The following SDK1 variants were observed in gnomAD, a reference collection of about 807,000 sequenced individuals.
SDK1 encodes the protein protein sidekick-1.
In SDK1, 157 loss-of-function variants were observed where a neutral mutation model predicts 245.5. The observed-to-expected ratio is 0.64, with a 90% CI of 0.56 to 0.73. SDK1 has a LOEUF of 0.73. SDK1 is among the 30% of genes least tolerant of loss of function. The probability of loss-of-function intolerance (pLI) is 0.00; values close to 1 mark genes in which losing one functional copy is unlikely to be tolerated. For missense variants in SDK1, 3,583 were observed against 3,002.3 expected, an observed-to-expected ratio of 1.19 and a Z score of -4.52; for synonymous variants, 1,647 against 1,278.5, an observed-to-expected ratio of 1.29 and a Z score of -6.15.
chr7:3,494,023 C>G (rs905820276), intron 1 of SDK1, among the ~76,000 whole-genome samples: 1 of 152,126 alleles, frequency 6.6e-6, no homozygotes, highest in East Asian at 1.9e-4. Flanking sequence ...CTGTATTATA[C>G]CTAGGTGAGT....
chr7:3,695,973 G>A (rs1458198727), intron 4 of SDK1, among the ~76,000 whole-genome samples: 1 of 152,044 alleles, frequency 6.6e-6, no homozygotes, highest in African/African-American at 2.4e-5. Context: ...TGGCTTCCTG[G>A]CATCTTCTTT....
At chr7:4,161,087 G>A (rs1354021023) in intron 31 of SDK1, among the ~76,000 whole-genome samples, 1 of 152,126 alleles carries the variant, frequency 6.6e-6, no homozygotes, top group African/African-American at 2.4e-5. Flanking sequence ...AGCTCAATAT[G>A]CCAAGACAGG....
intron 1 of SDK1, among the ~76,000 whole-genome samples, chr7:3,316,364 AGGTTT>A (rs1779662444): frequency 6.6e-6 from 1 of 152,286 alleles, no homozygotes; most frequent in Admixed American, 6.5e-5. Flanking sequence ...CATGCTGCAC[AGGTTT>A]GTAGCCTGGG....
Position 3,349,303 on chromosome 7 carries a change from A to G in SDK1, c.298+47419A>G, listed in dbSNP as rs59190600. Among the ~76,000 whole-genome samples, 814 of 152,182 alleles carry G rather than the reference A, an allele frequency of 5.3e-3. 7 individuals carry two copies. Among genetic ancestry groups the G allele is most frequent in the African/African-American group, 0.019 (776 of 41,524 alleles). On this transcript the variant is annotated intron_variant, in intron 1 of 44. Transcript: ENST00000404826. ...GTGGGAAGAGCAGGGTCTCACCCTTATTAGACTGTGGTTCATAATCACTTA... is the reference window on the plus strand; with the variant it reads ...GTGGGAAGAGCAGGGTCTCACCCTTGTTAGACTGTGGTTCATAATCACTTA...
intron 1 of SDK1, among the ~76,000 whole-genome samples, chr7:3,519,278 G>T (rs1055061676): frequency 6.6e-6 from 1 of 151,926 alleles, no homozygotes; most frequent in Admixed American, 6.6e-5. Context: ...ATGTAGGAGG[G>T]TATTGACTGT....
chr7:3,852,543 T>G (rs970148912), intron 5 of SDK1, among the ~76,000 whole-genome samples: 1 of 151,396 alleles, frequency 6.6e-6, no homozygotes. Flanking sequence ...GTCAGGAGAT[T>G]GAGACCATCC....
intron 1 of SDK1, among the ~76,000 whole-genome samples, chr7:3,482,137 G>A (rs1017812361): frequency 1.3e-5 from 2 of 152,112 alleles, no homozygotes; most frequent in Non-Finnish European, 2.9e-5. Context: ...GGGTAATACT[G>A]GTGTGTAAAA....
chr7:3,546,396 A>T (rs568067748), intron 1 of SDK1, among the ~76,000 whole-genome samples: 7 of 152,320 alleles, frequency 4.6e-5, no homozygotes, highest in African/African-American at 1.7e-4. Flanking sequence ...GACCTAACAG[A>T]TGATCAGATG....
Position 4,093,775 on chromosome 7 carries a change from C to T in SDK1, c.3324+14191C>T, listed in dbSNP as rs1009911501. ...CTAAGCACACGCTGTGCCGAGGGAC[C>T]GGATCCTGGGCTGATGGATGGGAGG... is the stretch of plus-strand genomic sequence containing the variant. On this transcript the variant is annotated intron_variant, in intron 22 of 44. Transcript: ENST00000404826. 2.6e-5 allele frequency among the ~76,000 whole-genome samples: 4 copies of T among 152,284 alleles called. No individual in the cohort carries two copies. In the East Asian group the frequency reaches 5.8e-4, roughly 22 times the overall value.
intron 5 of SDK1, 116 bp downstream of exon 5, chr7:3,821,699 A>G: frequency 9.1e-7 from 1 of 1,100,998 alleles, no homozygotes; most frequent in Non-Finnish European, 1.3e-6. Flanking sequence ...TGTAGTAGTT[A>G]CGGTTTAATA....
chr7:3,973,680 A>G (rs1344076757), intron 12 of SDK1, among the ~76,000 whole-genome samples: 1 of 151,976 alleles, frequency 6.6e-6, no homozygotes, highest in Non-Finnish European at 1.5e-5. Flanking sequence ...TTACCGGGGC[A>G]GGAATGTTGG....
chr7:3,787,557 C>T (rs184882993), intron 4 of SDK1, among the ~76,000 whole-genome samples: 1 of 152,276 alleles, frequency 6.6e-6, no homozygotes, highest in East Asian at 1.9e-4. Flanking sequence ...AATCCCTTCT[C>T]CTCAATTTCT....
At chr7:3,605,173 G>C (rs180912640) in intron 1 of SDK1, among the ~76,000 whole-genome samples, 1,096 of 93,654 alleles carry the variant, frequency 0.012, 15 homozygotes, top group Non-Finnish European at 0.015. Context: ...CACTAGGTGT[G>C]ATGTCTACTG....
At chr7:4,034,660 C>T (rs945982407) in intron 17 of SDK1, among the ~76,000 whole-genome samples, 15 of 152,188 alleles carry the variant, frequency 9.9e-5, no homozygotes, top group Admixed American at 6.5e-5. Context: ...CTCACAAACT[C>T]GACTTTTAGG....
intron 4 of SDK1, among the ~76,000 whole-genome samples, chr7:3,684,474 CA>C (rs1256566926): frequency 6.6e-6 from 1 of 152,220 alleles, no homozygotes; most frequent in Non-Finnish European, 1.5e-5. Context: ...AAGCTGAACA[CA>C]CATACCCAGC....
chr7:3,922,061 G>A (rs1163554015), intron 5 of SDK1, among the ~76,000 whole-genome samples: 1 of 152,204 alleles, frequency 6.6e-6, no homozygotes, highest in Non-Finnish European at 1.5e-5. Context: ...GTGCCTCTCT[G>A]CCACCCTTCT....
intron 4 of SDK1, among the ~76,000 whole-genome samples, chr7:3,665,375 T>G (rs1783493813): frequency 6.6e-6 from 1 of 152,250 alleles, no homozygotes; most frequent in African/African-American, 2.4e-5. Context: ...TACATATCAG[T>G]TAAAATAATG....
At chr7:3,741,340 C>A (rs577062284) in intron 4 of SDK1, among the ~76,000 whole-genome samples, 1 of 152,314 alleles carries the variant, frequency 6.6e-6, no homozygotes, top group East Asian at 1.9e-4. Context: ...GCCCCCTGTT[C>A]TCCCAGCTCC....
chr7:3,884,040 G>T (rs1468064155), intron 5 of SDK1, among the ~76,000 whole-genome samples: 1 of 145,236 alleles, frequency 6.9e-6, no homozygotes, highest in Non-Finnish European at 1.5e-5. Flanking sequence ...CTAAGTGATT[G>T]GTTTTTTGTT....
Sources: gnomAD v4.1 joint callset for allele counts (sites outside exome capture counted in the v4.1 genomes callset) on GRCh38, gnomAD v4.1.1 for gene constraint, MANE v1.5 for transcripts, NCBI Gene and HGNC (gene_info 2026-07-23, HGNC 2026-07-21) for gene names.